XDH: variants seen among roughly 807,000 people sequenced by gnomAD.
The protein encoded by XDH is xanthine dehydrogenase/oxidase.
A neutral mutation model predicts 156.1 loss-of-function variants in XDH; 138 were observed. That is an observed-to-expected ratio of 0.88 (90% CI 0.77 to 1.02). XDH has a LOEUF of 1.02. Among genes scored for constraint, XDH ranks in the 50% least tolerant of loss-of-function variants. The probability of loss-of-function intolerance (pLI) is 0.00; values close to 1 mark genes in which losing one functional copy is unlikely to be tolerated. For synonymous variants in XDH, 669 were observed against 625.7 expected (o/e 1.07, Z -1.03); for missense variants, 1,849 against 1,684.9 (o/e 1.10, Z -1.71).
chr2:31,378,975 T>G (rs1360467075), intron 13 of XDH, among the ~76,000 whole-genome samples: 1 of 152,182 alleles, frequency 6.6e-6, no homozygotes, highest in Non-Finnish European at 1.5e-5. Flanking sequence ...ATGCTCTAAT[T>G]TAATTAGCAT....
intron 6 of XDH, chr2:31,389,472 TAGAAAGAAAGAA>T (rs1686704327): frequency 1.3e-5 from 2 of 152,556 alleles, no homozygotes; most frequent in South Asian, 4.1e-4. Context: ...CCTCTATATT[TAGAAAGAAAGAA>T]AGGAAGAAAG....
intron 24 of XDH, 102 bp from the exon 25 acceptor site, chr2:31,350,325 T>C: frequency 1.1e-6 from 1 of 892,548 alleles, no homozygotes; most frequent in South Asian, 1.3e-5. Context: ...GCCTTTCCCC[T>C]CTGCACCCAA....
chr2:31,354,719 A>T (rs1456512013), intron 24 of XDH, among the ~76,000 whole-genome samples: 3 of 152,168 alleles, frequency 2.0e-5, no homozygotes, highest in African/African-American at 7.2e-5. Context: ...ATAGAATAAG[A>T]TATATTATCC....
intron 6 of XDH, among the ~76,000 whole-genome samples, chr2:31,388,765 C>T (rs45618640): frequency 5.3e-5 from 8 of 152,294 alleles, no homozygotes; most frequent in East Asian, 1.9e-4. Context: ...ATGTCCAAGA[C>T]GGGTGCTGAG....
At chr2:31,391,136 T>A (rs2147997577) in intron 6 of XDH, among the ~76,000 whole-genome samples, 1 of 152,342 alleles carries the variant, frequency 6.6e-6, no homozygotes, top group East Asian at 1.9e-4. Flanking sequence ...CATTTTGAGT[T>A]AATTTTGAGA....
intron 26 of XDH, 108 bp downstream of exon 26, chr2:31,349,578 G>T: frequency 6.6e-7 from 1 of 1,504,776 alleles, no homozygotes; most frequent in Non-Finnish European, 9.2e-7. Context: ...AAACTCAGCA[G>T]TCTCATAAGT....
intron 27 of XDH, 130 bp from the exon 28 acceptor site, chr2:31,348,493 T>C (rs534379059): frequency 2.4e-4 from 194 of 797,324 alleles, no homozygotes; most frequent in Admixed American, 7.1e-4. Flanking sequence ...AGACAAAAAT[T>C]ATGGCAGTAT....
Position 31,347,511 on chromosome 2 carries a change from G to A in XDH, c.3276+11C>T, listed in dbSNP as rs772306083. 4.2e-5 allele frequency: 68 copies of A among 1,613,184 alleles called. 1 individual carries two copies. The South Asian group carries it at 6.6e-4, about 16-fold the overall frequency. ...GGCCCTCTGCTCTGCGGGATCCCAT[G>A]GGCTCCTTACATAGACGGCCTGTCC... On this transcript the variant is annotated intron_variant, in intron 29 of 35. Transcript: ENST00000379416.
At chr2:31,360,342 G>C (rs991810916) in intron 24 of XDH, among the ~76,000 whole-genome samples, 8 of 151,988 alleles carry the variant, frequency 5.3e-5, no homozygotes, top group African/African-American at 1.9e-4. Context: ...TACTAAAAAT[G>C]CAAAAATTAG....
intron 4 of XDH, 113 bp from the exon 5 acceptor site, chr2:31,398,812 C>T: frequency 6.5e-7 from 1 of 1,546,358 alleles, no homozygotes. Flanking sequence ...GTAATCACTG[C>T]ACAGAGTCAA....
chr2:31,349,918 C>G, intron 25 of XDH, 87 bp from the exon 26 acceptor site: 5 of 1,611,846 alleles, frequency 3.1e-6, no homozygotes, highest in Non-Finnish European at 4.2e-6. Context: ...TTCCAACCCC[C>G]TCAGCAGCCC....
intron 34 of XDH, among the ~76,000 whole-genome samples, chr2:31,338,775 G>T (rs1685042233): frequency 7.0e-6 from 1 of 142,942 alleles, no homozygotes; most frequent in South Asian, 2.3e-4. Flanking sequence ...CCAGGCTGGG[G>T]TGCAATGGTC....
intron 9 of XDH, 34 bp from the exon 10 acceptor site, chr2:31,383,881 C>T (rs1686510545): frequency 2.5e-6 from 4 of 1,598,730 alleles, no homozygotes; most frequent in East Asian, 2.2e-5. Context: ...GTTGTAGGCC[C>T]ATTGTTGTAT....
chr2:31,349,984 G>A (rs531574770), intron 25 of XDH, 48 bp downstream of exon 25: 34 of 1,612,428 alleles, frequency 2.1e-5, no homozygotes, highest in East Asian at 4.5e-5. Flanking sequence ...GCTGTCCCCC[G>A]AAGTAGTCTA....
intron 13 of XDH, 45 bp downstream of exon 13, chr2:31,379,822 T>A: frequency 6.3e-7 from 1 of 1,577,534 alleles, no homozygotes. Context: ...AGCCTGGCAA[T>A]AGGACTTATT....
intron 18 of XDH, among the ~76,000 whole-genome samples, chr2:31,368,948 C>A (rs994673564): frequency 6.6e-6 from 1 of 152,086 alleles, no homozygotes; most frequent in African/African-American, 2.4e-5. Flanking sequence ...TTGCCATGAG[C>A]AGAAAGGGGG....
At chr2:31,393,360 G>A (rs374484744) in intron 6 of XDH, among the ~76,000 whole-genome samples, 45 of 152,250 alleles carry the variant, frequency 3.0e-4, no homozygotes, top group African/African-American at 1.1e-3. Flanking sequence ...TTGGAGTATT[G>A]ATTCCTTTAT....
Position 31,339,495 on chromosome 2 carries a change from T to A in XDH, c.3768A>T (p.Ala1256=), listed in dbSNP as rs372550886. ...RDCPNKKAIY[A]SKAVGEPPLF... ...AGAGCCAGAGCAATGGTACCTTCGA[T>A]GCATAGATGGCCTTCTTGTTGGGGC... The change falls in exon 34 of 36, where the codon GCA becomes GCT. Residue 1256 remains alanine (A), a synonymous_variant. Coordinates refer to ENST00000379416, the MANE Select transcript of XDH (RefSeq NM_000379.4). The A allele has an allele frequency of 4.8e-5, 77 of 1,613,968 alleles. No individual in the cohort carries two copies. The highest frequency in any genetic ancestry group is 5.9e-5 in the Non-Finnish European group (70 of 1,180,050).
At chr2:31,401,563 G>A (rs1687062218) in intron 3 of XDH, among the ~76,000 whole-genome samples, 1 of 152,180 alleles carries the variant, frequency 6.6e-6, no homozygotes, top group Non-Finnish European at 1.5e-5. Flanking sequence ...GTGGGATCAG[G>A]CATCAGAGCA....
Sources: allele counts gnomAD v4.1 joint callset (sites outside exome capture counted in the v4.1 genomes callset), GRCh38; gene constraint gnomAD v4.1.1; transcripts MANE v1.5; gene names NCBI Gene and HGNC (gene_info 2026-07-23, HGNC 2026-07-21).